The following SUCLG2 variants were observed in gnomAD, a reference collection of about 807,000 sequenced individuals.
SUCLG2 encodes succinate-CoA ligase GDP-forming subunit beta.
In SUCLG2, 42 loss-of-function variants were observed where a neutral mutation model predicts 47.9. The ratio of observed to expected loss-of-function variants is 0.88; its 90% CI spans 0.69 to 1.14. SUCLG2 has a LOEUF of 1.14. Ranked by LOEUF, SUCLG2 falls within the 50% of genes most tolerant of loss-of-function variation. The pLI is 0.00. For synonymous variants in SUCLG2, 195 were observed against 197.3 expected (o/e 0.99, Z 0.10); for missense variants, 571 against 525.9 (o/e 1.09, Z -0.84).
intron 1 of SUCLG2, among the ~76,000 whole-genome samples, chr3:67,645,507 T>C (rs1000722148): frequency 5.9e-5 from 9 of 152,184 alleles, no homozygotes; most frequent in African/African-American, 2.2e-4. Context: ...CTTCACCATC[T>C]CAAAATTTAC....
Position 67,601,944 on chromosome 3 carries a change from C to A in SUCLG2, c.226+7511G>T, listed in dbSNP as rs114840829. ...TTGCAGTGAGCTAAGATCGCACCCCCCAACTCCAGCCGGGGCGACAGAGCA... is the reference window on the plus strand; with the variant it reads ...TTGCAGTGAGCTAAGATCGCACCCCACAACTCCAGCCGGGGCGACAGAGCA... On this transcript the variant is annotated intron_variant, in intron 2 of 10. Coordinates refer to ENST00000307227, the MANE Select transcript of SUCLG2 (RefSeq NM_003848.4). Among the ~76,000 whole-genome samples, 122 of 151,986 alleles carry A rather than the reference C, an allele frequency of 8.0e-4. 1 individual carries two copies. Among genetic ancestry groups the A allele is most frequent in the African/African-American group, 2.8e-3 (116 of 41,426 alleles).
At chr3:67,643,610 C>A (rs991542873) in intron 1 of SUCLG2, among the ~76,000 whole-genome samples, 1 of 152,146 alleles carries the variant, frequency 6.6e-6, no homozygotes, top group Admixed American at 6.5e-5. Context: ...TACAGTATCC[C>A]CAGAGGGCTG....
intron 1 of SUCLG2, among the ~76,000 whole-genome samples, chr3:67,627,550 T>C (rs1451513448): frequency 6.6e-6 from 1 of 152,218 alleles, no homozygotes; most frequent in Non-Finnish European, 1.5e-5. Flanking sequence ...AAATCTCCTT[T>C]CTAGGTGTTC....
chr3:67,628,328 G>A (rs1700870144), intron 1 of SUCLG2, among the ~76,000 whole-genome samples: 1 of 152,164 alleles, frequency 6.6e-6, no homozygotes, highest in Non-Finnish European at 1.5e-5. Context: ...TTGAATGAAG[G>A]CGAGTATGAA....
chr3:67,651,601 G>A (rs1395519304), intron 1 of SUCLG2, among the ~76,000 whole-genome samples: 1 of 152,178 alleles, frequency 6.6e-6, no homozygotes, highest in Non-Finnish European at 1.5e-5. Flanking sequence ...GTGACCCTTT[G>A]TAGGGTGGAG....
chr3:67,548,491 G>C (rs1020406850), intron 2 of SUCLG2, among the ~76,000 whole-genome samples: 4 of 151,768 alleles, frequency 2.6e-5, no homozygotes, highest in Admixed American at 2.0e-4. Flanking sequence ...TCAGTTATTA[G>C]AGTTTAAAAA....
At chr3:67,432,009 G>A (rs887830332) in intron 9 of SUCLG2, among the ~76,000 whole-genome samples, 1 of 152,172 alleles carries the variant, frequency 6.6e-6, no homozygotes, top group Non-Finnish European at 1.5e-5. Flanking sequence ...CATTGAGGGT[G>A]TCTAACCTTA....
At chr3:67,467,338 C>T (rs1431250368) in intron 9 of SUCLG2, among the ~76,000 whole-genome samples, 1 of 152,194 alleles carries the variant, frequency 6.6e-6, no homozygotes, top group African/African-American at 2.4e-5. Context: ...TTCAGTTTCT[C>T]ACAATTTTCT....
chr3:67,609,506 A>G lies in SUCLG2; in HGVS notation c.175T>C (p.Phe59Leu). The G allele has an allele frequency of 6.2e-7, 1 of 1,613,702 alleles. No individual in the cohort carries two copies. The highest frequency in any genetic ancestry group is 8.5e-7 in the Non-Finnish European group (1 of 1,179,904). The change falls in exon 2 of 11, where the codon TTC becomes CTC. Residue 59 changes from phenylalanine (F) to leucine (L), a missense_variant. Phe to Leu is a conservative substitution (Grantham distance 22). Coordinates refer to ENST00000307227, the MANE Select transcript of SUCLG2 (RefSeq NM_003848.4). ...MSDNGVRVQRFFVADTANEAL... is the reference protein window; with the variant it reads ...MSDNGVRVQRLFVADTANEAL... ...TCATTTGCAGTGTCTGCTACAAAGA[A>G]TCTTTGAACTCTCACTCCGTTGTCA...
chr3:67,609,521 C>A lies in SUCLG2; in HGVS notation c.160G>T (p.Val54Leu), dbSNP rs1218187317. 6.2e-7 allele frequency: 1 copy of A among 1,613,748 alleles called. No individual in the cohort carries two copies. The highest frequency in any genetic ancestry group is 8.5e-7 in the Non-Finnish European group (1 of 1,179,930). The part of the protein sequence containing the change: ...QSKKLMSDNG[V>L]RVQRFFVADT... Reference sequence around the variant, plus strand: ...GCTACAAAGAATCTTTGAACTCTCACTCCGTTGTCAGACATCAGTTTCTTG... The same window carrying A: ...GCTACAAAGAATCTTTGAACTCTCAATCCGTTGTCAGACATCAGTTTCTTG... The change falls in exon 2 of 11, where the codon GTG (valine) becomes TTG (leucine). Residue 54 changes from valine (V) to leucine (L), a missense_variant. Coordinates refer to ENST00000307227, the MANE Select transcript of SUCLG2 (RefSeq NM_003848.4).
intron 9 of SUCLG2, among the ~76,000 whole-genome samples, chr3:67,482,426 G>T (rs1051841252): frequency 6.6e-6 from 1 of 152,068 alleles, no homozygotes; most frequent in Admixed American, 6.5e-5. Flanking sequence ...CTGAATCAAA[G>T]AATTTGTTCT....
At chr3:67,383,777 T>C (rs114458404) in intron 10 of SUCLG2, among the ~76,000 whole-genome samples, 2,356 of 152,234 alleles carry the variant, frequency 0.015, 69 homozygotes, top group African/African-American at 0.053. Flanking sequence ...ACATAGATAC[T>C]AAACCAAAGT....
At chr3:67,381,690 G>C (rs2106770054) in intron 10 of SUCLG2, among the ~76,000 whole-genome samples, 1 of 152,198 alleles carries the variant, frequency 6.6e-6, no homozygotes, top group Non-Finnish European at 1.5e-5. Context: ...CTTGTTGAGA[G>C]CCACTCAGCT....
intron 7 of SUCLG2, among the ~76,000 whole-genome samples, chr3:67,508,271 C>T (rs1025029513): frequency 3.9e-5 from 6 of 152,102 alleles, no homozygotes; most frequent in African/African-American, 7.2e-5. Flanking sequence ...TAAAGACGTT[C>T]GAAAAGTTCC....
chr3:67,525,928 G>A (rs1706244955), intron 4 of SUCLG2, among the ~76,000 whole-genome samples: 1 of 152,118 alleles, frequency 6.6e-6, no homozygotes, highest in African/African-American at 2.4e-5. Context: ...AAACTCAATA[G>A]TAAAAACATA....
chr3:67,449,260 G>C (rs920186952), intron 9 of SUCLG2, among the ~76,000 whole-genome samples: 1 of 152,206 alleles, frequency 6.6e-6, no homozygotes, highest in African/African-American at 2.4e-5. Context: ...CAAGTAAAGA[G>C]TGCCACATCT....
At chr3:67,647,014 C>T (rs2107380469) in intron 1 of SUCLG2, among the ~76,000 whole-genome samples, 1 of 152,280 alleles carries the variant, frequency 6.6e-6, no homozygotes, top group Non-Finnish European at 1.5e-5. Context: ...GCTCTTGTCT[C>T]TGGCCTCATT....
intron 6 of SUCLG2, among the ~76,000 whole-genome samples, chr3:67,516,562 T>A (rs544733857): frequency 6.6e-6 from 1 of 152,342 alleles, no homozygotes; most frequent in South Asian, 2.1e-4. Context: ...TTGCTGAGCC[T>A]CTAGGAACTT....
chr3:67,475,722 T>C (rs796783124), intron 9 of SUCLG2, among the ~76,000 whole-genome samples: 5 of 150,994 alleles, frequency 3.3e-5, no homozygotes, highest in East Asian at 2.0e-4. Context: ...TCCCCTCCTT[T>C]TTTTTTTTTG....
Sources: allele counts gnomAD v4.1 joint callset (sites outside exome capture counted in the v4.1 genomes callset), GRCh38; gene constraint gnomAD v4.1.1; transcripts MANE v1.5; gene names NCBI Gene and HGNC (gene_info 2026-07-23, HGNC 2026-07-21).